The following TEX11 variants were observed in gnomAD, a reference collection of about 807,000 sequenced individuals.
The protein encoded by TEX11 is testis expressed 11, also known as testis-expressed protein 11.
A neutral mutation model predicts 84.4 loss-of-function variants in TEX11; 7 were observed. That is an observed-to-expected ratio of 0.08 (90% CI 0.05 to 0.16). TEX11 has a LOEUF of 0.16. Ranked by LOEUF, TEX11 falls within the 10% of genes least tolerant of loss-of-function variation. The probability of loss-of-function intolerance (pLI) is 1.00; values close to 1 mark genes in which losing one functional copy is unlikely to be tolerated. For missense variants in TEX11, 551 were observed against 660.5 expected (o/e 0.83, Z 1.82); for synonymous variants, 264 against 222.8 (o/e 1.18, Z -1.64).
At chrX:70,779,539 G>T (rs1304139519) in intron 9 of TEX11, among the ~76,000 whole-genome samples, 1 of 109,104 alleles carries the variant, frequency 9.2e-6, no homozygotes, top group East Asian at 2.9e-4. Flanking sequence ...TTAACAGGCA[G>T]AAAAAAAATA....
Position 70,792,349 on chromosome X carries a change from TATATATATAC to T in TEX11, c.692+14346_692+14355del, listed in dbSNP as rs1464242419. On this transcript the variant is annotated intron_variant, in intron 9 of 29. Transcript: ENST00000374333. Reference sequence around the variant, plus strand: ...ATATATATATATATATATATATATATATATATATACACACACAAATATATATCTGGGATGC... The same window carrying T: ...ATATATATATATATATATATATATATACACACAAATATATATCTGGGATGC... Among the ~76,000 whole-genome samples, 100 of 11,740 alleles carry T rather than the reference TATATATATAC, an allele frequency of 8.5e-3. 7 individuals are homozygous for T. The highest frequency in any genetic ancestry group is 0.039 in the African/African-American group (72 of 1,825). The allele number at this position is 11,740 out of a possible 115,157, so 10.2% of individuals were successfully genotyped here.
At chrX:70,581,151 G>T (rs777013122) in intron 25 of TEX11, among the ~76,000 whole-genome samples, 3 of 107,734 alleles carry the variant, frequency 2.8e-5, no homozygotes, top group Non-Finnish European at 5.8e-5. Flanking sequence ...ATAAGCATGT[G>T]CCACTATTCC....
chrX:70,712,859 G>A (rs1396078094), intron 13 of TEX11, among the ~76,000 whole-genome samples: 1 of 111,402 alleles, frequency 9.0e-6, no homozygotes, highest in African/African-American at 3.3e-5. Context: ...GGGCATCCCT[G>A]TCTTGTGCCG....
At chrX:70,733,806 A>G (rs901510848) in intron 11 of TEX11, among the ~76,000 whole-genome samples, 6 of 111,855 alleles carry the variant, frequency 5.4e-5, no homozygotes, top group African/African-American at 1.3e-4. Context: ...ATTACTGGGT[A>G]TATACCCAAA....
intron 13 of TEX11, among the ~76,000 whole-genome samples, chrX:70,720,029 C>CA (rs773218671): frequency 9.0e-6 from 1 of 111,688 alleles, no homozygotes; most frequent in Non-Finnish European, 1.9e-5. Context: ...GGTATATACC[C>CA]AAAGGATTAT....
intron 16 of TEX11, among the ~76,000 whole-genome samples, chrX:70,666,824 A>C (rs2089979823): frequency 9.0e-6 from 1 of 111,241 alleles, no homozygotes; most frequent in African/African-American, 3.3e-5. Flanking sequence ...TATTCCCTCC[A>C]TCTGGAATGC....
chrX:70,888,205 T>C (rs991238610), intron 2 of TEX11, among the ~76,000 whole-genome samples: 3 of 112,291 alleles, frequency 2.7e-5, no homozygotes, highest in Non-Finnish European at 5.6e-5. Flanking sequence ...CAGGAAAACA[T>C]GACCTCACCA....
intron 25 of TEX11, among the ~76,000 whole-genome samples, chrX:70,583,489 C>A (rs1456822017): frequency 8.9e-6 from 1 of 112,316 alleles, no homozygotes; most frequent in Non-Finnish European, 1.9e-5. Context: ...CTTCATTCCA[C>A]ATTTTCTTTG....
chrX:70,837,476 T>C (rs1467929651), intron 7 of TEX11, among the ~76,000 whole-genome samples: 1 of 110,882 alleles, frequency 9.0e-6, no homozygotes, highest in African/African-American at 3.3e-5. Context: ...GGCAGGAGAA[T>C]CACTTGAACT....
the TEX11 span, among the ~76,000 whole-genome samples, chrX:70,512,895 C>T: frequency 9.2e-6 from 1 of 109,120 alleles, no homozygotes; most frequent in Non-Finnish European, 1.9e-5. Context: ...TCCTCCACCT[C>T]TTATTCTAGC....
chrX:70,788,967 TATATATAGAGAGAG>T lies in TEX11; in HGVS notation c.692+17724_692+17737del, dbSNP rs1311731338. 1.9e-3 allele frequency among the ~76,000 whole-genome samples: 60 copies of T among 31,967 alleles called. 1 individual carries two copies. Among genetic ancestry groups the T allele is most frequent in the African/African-American group, 8.1e-3 (54 of 6,661 alleles). 27.8% of individuals were successfully genotyped at this position (31,967 alleles called of 115,157 possible). On this transcript the variant is annotated intron_variant, in intron 9 of 29. Coordinates refer to ENST00000374333, the MANE Select transcript of TEX11 (RefSeq NM_031276.3). ...ATATATATATATATATATATATATA[TATATATAGAGAGAG>T]AGAGAGAGAGAGAGAGAGAGAGAGA... is the stretch of plus-strand genomic sequence containing the variant.
the TEX11 span, among the ~76,000 whole-genome samples, chrX:70,514,430 A>T: frequency 0.011 from 1,179 of 110,017 alleles, 14 homozygotes; most frequent in African/African-American, 0.038. Context: ...CCCCGTCTCT[A>T]CTAAAAATAC....
chrX:70,604,858 T>C (rs2089177018), intron 24 of TEX11, among the ~76,000 whole-genome samples: 1 of 111,660 alleles, frequency 9.0e-6, no homozygotes, highest in Admixed American at 9.5e-5. Flanking sequence ...GACGGTGATA[T>C]TGATAGCTCC....
At chrX:70,540,420 C>T (rs1450230108) in intron 28 of TEX11, among the ~76,000 whole-genome samples, 1 of 111,626 alleles carries the variant, frequency 9.0e-6, no homozygotes, top group Admixed American at 9.6e-5. Context: ...AAGATCTGTA[C>T]CCATTATGTA....
At chrX:70,708,099 A>T (rs1005051109) in intron 13 of TEX11, among the ~76,000 whole-genome samples, 2 of 111,415 alleles carry the variant, frequency 1.8e-5, no homozygotes, top group Non-Finnish European at 3.8e-5. Flanking sequence ...AAAAATCAAC[A>T]AGCAAAAAAC....
chrX:70,842,341 A>G (rs2091451299), intron 7 of TEX11, among the ~76,000 whole-genome samples: 1 of 111,509 alleles, frequency 9.0e-6, no homozygotes, highest in Non-Finnish European at 1.9e-5. Context: ...GCAAATCAAT[A>G]AATGTAATCC....
intron 9 of TEX11, among the ~76,000 whole-genome samples, chrX:70,761,495 C>G (rs1021201411): frequency 2.7e-5 from 3 of 111,689 alleles, no homozygotes; most frequent in African/African-American, 9.8e-5. Flanking sequence ...TCATTCTCAG[C>G]AAACTATCAC....
chrX:70,874,395 CTTTTTTTTTTTT>C (rs34210812), intron 3 of TEX11, among the ~76,000 whole-genome samples: 4 of 48,079 alleles, frequency 8.3e-5, no homozygotes, highest in South Asian at 1.8e-3. Context: ...TGATGACTTC[CTTTTTTTTTTTT>C]TTTTTTTTTT....
At chrX:70,647,977 A>G (rs1027379367) in intron 17 of TEX11, among the ~76,000 whole-genome samples, 2 of 112,055 alleles carry the variant, frequency 1.8e-5, no homozygotes, top group Non-Finnish European at 3.8e-5. Context: ...TGTTTATTGC[A>G]GCACTATTCA....
Sources: allele counts gnomAD v4.1 joint callset (sites outside exome capture counted in the v4.1 genomes callset), GRCh38; gene constraint gnomAD v4.1.1; transcripts MANE v1.5; gene names NCBI Gene and HGNC (gene_info 2026-07-23, HGNC 2026-07-21).